Variants in AGBL1 observed in about 807,000 individuals in gnomAD.
AGBL1 encodes the protein AGBL carboxypeptidase 1.
Under a neutral mutation model 118.9 loss-of-function variants are expected in AGBL1, and 130 were observed. The ratio of observed to expected loss-of-function variants is 1.09; its 90% confidence interval spans 0.95 to 1.26. The LOEUF is 1.26. Ranked by LOEUF, AGBL1 falls within the 50% of genes most tolerant of loss-of-function variation. The pLI, the probability that AGBL1 is intolerant of heterozygous loss-of-function variation, is 0.00. For missense variants in AGBL1, 1,584 were observed against 1,298.1 expected (o/e 1.22, Z -3.38); for synonymous variants, 555 against 478.9 (o/e 1.16, Z -2.08).
chr15:86,820,846 T>G (rs1346046612), intron 22 of AGBL1, among the ~76,000 whole-genome samples: 2 of 152,134 alleles, frequency 1.3e-5, no homozygotes, highest in African/African-American at 4.8e-5. Context: ...ACCCAAAGGA[T>G]TATAAATCAT....
intron 18 of AGBL1, among the ~76,000 whole-genome samples, chr15:86,430,403 T>C (rs2081920925): frequency 6.7e-6 from 1 of 149,426 alleles, no homozygotes; most frequent in South Asian, 2.1e-4. Context: ...GCTGAGGCAG[T>C]AGAATGGCGT....
At chr15:86,440,484 G>GAATAATAAT (rs60498816) in intron 18 of AGBL1, among the ~76,000 whole-genome samples, 43,932 of 144,176 alleles carry the variant, frequency 0.3, 7,068 homozygotes, top group East Asian at 0.5. Context: ...ATGGGATGGA[G>GAATAATAAT]AATAATAATA....
intron 17 of AGBL1, among the ~76,000 whole-genome samples, chr15:86,366,119 T>G (rs1244129823): frequency 6.6e-6 from 1 of 152,150 alleles, no homozygotes; most frequent in African/African-American, 2.4e-5. Flanking sequence ...TTTTTCTGGT[T>G]TAATCTGTGG....
At chr15:86,339,146 C>A (rs1474195580) in intron 17 of AGBL1, among the ~76,000 whole-genome samples, 4 of 152,084 alleles carry the variant, frequency 2.6e-5, no homozygotes, top group African/African-American at 9.7e-5. Flanking sequence ...GATGAAAGTC[C>A]TTTTCTTTCA....
At chr15:86,727,924 A>G (rs1051690076) in intron 22 of AGBL1, among the ~76,000 whole-genome samples, 1 of 152,226 alleles carries the variant, frequency 6.6e-6, no homozygotes, top group Non-Finnish European at 1.5e-5. Context: ...ATATCTGGAT[A>G]TATACTTAGC....
At chr15:86,797,975 A>G (rs1227480773) in intron 22 of AGBL1, among the ~76,000 whole-genome samples, 1 of 152,194 alleles carries the variant, frequency 6.6e-6, no homozygotes, top group Non-Finnish European at 1.5e-5. Flanking sequence ...AATTAGTTAC[A>G]GAATGTCTTG....
Position 86,619,140 on chromosome 15 carries a change from C to T in AGBL1, c.2995-55133C>T, listed in dbSNP as rs374480744. On this transcript the variant is annotated intron_variant, in intron 21 of 22. Transcript: ENST00000614907. ...AAGCTAATATATATATATCAAGTGCCTGCTATGAATGAGGCACCATACTAG... is the reference window on the plus strand; with the variant it reads ...AAGCTAATATATATATATCAAGTGCTTGCTATGAATGAGGCACCATACTAG... Among the ~76,000 whole-genome samples, 37 of 152,100 alleles carry T rather than the reference C, an allele frequency of 2.4e-4. 1 individual carries two copies. The highest frequency in any genetic ancestry group is 8.7e-4 in the African/African-American group (36 of 41,484).
chr15:86,844,840 C>G (rs2079296710), intron 22 of AGBL1, among the ~76,000 whole-genome samples: 1 of 151,986 alleles, frequency 6.6e-6, no homozygotes, highest in Non-Finnish European at 1.5e-5. Flanking sequence ...AGTTTTTGCT[C>G]TTATGTTCTA....
chr15:86,544,207 TAA>T (rs1239170923), intron 19 of AGBL1, among the ~76,000 whole-genome samples: 1 of 152,190 alleles, frequency 6.6e-6, no homozygotes, highest in East Asian at 1.9e-4. Context: ...CTGGATGGTC[TAA>T]GTTAGATTCA....
chr15:87,001,325 G>A (rs533046061), intron 24 of AGBL1, among the ~76,000 whole-genome samples: 27 of 152,074 alleles, frequency 1.8e-4, no homozygotes, highest in Middle Eastern at 3.4e-3. Flanking sequence ...TCATTTTTAT[G>A]GCTGCAAAGT....
chr15:86,155,702 G>C (rs2077179661), intron 4 of AGBL1, among the ~76,000 whole-genome samples: 1 of 151,898 alleles, frequency 6.6e-6, no homozygotes, highest in Admixed American at 6.6e-5. Context: ...AAGAACGTGG[G>C]CTTAGAGCCA....
At chr15:86,261,488 AC>A (rs2078983042) in intron 9 of AGBL1, among the ~76,000 whole-genome samples, 1 of 152,222 alleles carries the variant, frequency 6.6e-6, no homozygotes, top group Non-Finnish European at 1.5e-5. Flanking sequence ...CATAGATGGA[AC>A]ATTGCATTTT....
intron 22 of AGBL1, among the ~76,000 whole-genome samples, chr15:86,722,171 G>T (rs2086733742): frequency 6.6e-6 from 1 of 152,144 alleles, no homozygotes; most frequent in South Asian, 2.1e-4. Flanking sequence ...AAGTTCATAT[G>T]GAACCAAAAG....
chr15:86,831,222 A>C (rs1056291088), intron 22 of AGBL1, among the ~76,000 whole-genome samples: 2 of 152,122 alleles, frequency 1.3e-5, no homozygotes, highest in African/African-American at 4.8e-5. Context: ...TCAAGATAAG[A>C]TTTGGGTGCA....
intron 22 of AGBL1, among the ~76,000 whole-genome samples, chr15:86,764,748 G>A (rs772289522): frequency 6.6e-6 from 1 of 152,028 alleles, no homozygotes; most frequent in African/African-American, 2.4e-5. Flanking sequence ...GAAACAACAT[G>A]TCCAACTTAT....
At chr15:86,739,725 T>C (rs922088212) in intron 22 of AGBL1, among the ~76,000 whole-genome samples, 7 of 152,150 alleles carry the variant, frequency 4.6e-5, no homozygotes, top group African/African-American at 1.7e-4. Flanking sequence ...ATTATTACTT[T>C]TATCATTGTC....
chr15:86,757,547 A>G (rs1052949025), intron 22 of AGBL1, among the ~76,000 whole-genome samples: 3 of 152,124 alleles, frequency 2.0e-5, no homozygotes, highest in Non-Finnish European at 4.4e-5. Flanking sequence ...GGAAAAACCA[A>G]GGCTCAGTGG....
chr15:86,891,334 G>A (rs1249032320), intron 22 of AGBL1, among the ~76,000 whole-genome samples: 1 of 152,056 alleles, frequency 6.6e-6, no homozygotes, highest in Non-Finnish European at 1.5e-5. Context: ...TCCTCTGTAA[G>A]TTTTAGAATG....
chr15:86,194,063 G>A (rs1208343596), intron 5 of AGBL1, among the ~76,000 whole-genome samples: 1 of 152,156 alleles, frequency 6.6e-6, no homozygotes, highest in Non-Finnish European at 1.5e-5. Context: ...TGACTTTGCC[G>A]TTTTTTAATT....
Sources: gnomAD v4.1 joint callset for allele counts (sites outside exome capture counted in the v4.1 genomes callset) on GRCh38, gnomAD v4.1.1 for gene constraint, MANE v1.5 for transcripts, NCBI Gene and HGNC (gene_info 2026-07-23, HGNC 2026-07-21) for gene names.